Variants in SUMF1 observed in about 807,000 individuals in gnomAD.
SUMF1 encodes the protein sulfatase modifying factor 1, also known as formylglycine-generating enzyme.
In SUMF1, 48 loss-of-function variants were observed where a neutral mutation model predicts 47.6. That is an observed-to-expected ratio of 1.01 (90% CI 0.80 to 1.28). SUMF1 has a LOEUF of 1.28. SUMF1 is among the 50% of genes most tolerant of loss of function. The pLI, the probability that SUMF1 is intolerant of heterozygous loss-of-function variation, is 0.00. For missense variants in SUMF1, 571 were observed against 485.4 expected (o/e 1.18, Z -1.66); for synonymous variants, 230 against 192.1 (o/e 1.20, Z -1.63).
At chr3:4,291,473 T>C (rs1409074521) in intron 8 of SUMF1, among the ~76,000 whole-genome samples, 1 of 152,164 alleles carries the variant, frequency 6.6e-6, no homozygotes, top group Non-Finnish European at 1.5e-5. Context: ...CTTTATTTCA[T>C]AATGCAAAAT....
chr3:4,095,732 T>A (rs924448748), intron 8 of SUMF1, among the ~76,000 whole-genome samples: 2 of 151,732 alleles, frequency 1.3e-5, no homozygotes, highest in Non-Finnish European at 2.9e-5. Flanking sequence ...GAAAGAAAAA[T>A]GGTGTTAACA....
At chr3:4,327,084 G>C (rs573099066) in intron 8 of SUMF1, among the ~76,000 whole-genome samples, 2 of 151,960 alleles carry the variant, frequency 1.3e-5, no homozygotes. Context: ...GGCTCACAAG[G>C]GTATACTTTA....
Position 4,390,423 on chromosome 3 carries a change from G to T in SUMF1, c.955-14034C>A, listed in dbSNP as rs145344316. Among the ~76,000 whole-genome samples the T allele has an allele frequency of 7.4e-3, 1,133 of 152,320 alleles. 7 individuals carry two copies. The highest frequency in any genetic ancestry group is 0.041 in the Middle Eastern group (12 of 294). On this transcript the variant is annotated intron_variant, in intron 7 of 8. Transcript: ENST00000272902. ...TTTTCTTTGGTGTTTAGAAAGAGTA[G>T]AGTGGTTACTGTCTAAAAGCTTTCT...
At chr3:4,446,908 T>A (rs1411955700) in intron 3 of SUMF1, among the ~76,000 whole-genome samples, 1 of 152,200 alleles carries the variant, frequency 6.6e-6, no homozygotes, top group Non-Finnish European at 1.5e-5. Context: ...CAAATTTCCT[T>A]TAAATTAGCA....
At chr3:4,216,339 T>C (rs1033509100) in intron 8 of SUMF1, among the ~76,000 whole-genome samples, 6 of 152,182 alleles carry the variant, frequency 3.9e-5, no homozygotes, top group Non-Finnish European at 7.3e-5. Context: ...GCTAGCCATA[T>C]GCAATAAACT....
At chr3:4,072,557 A>T (rs1044616195) in intron 8 of SUMF1, among the ~76,000 whole-genome samples, 1 of 152,138 alleles carries the variant, frequency 6.6e-6, no homozygotes, top group African/African-American at 2.4e-5. Context: ...GCATGTTCTA[A>T]ACCATCTCAA....
Position 4,404,114 on chromosome 3 carries a change from C to T in SUMF1, c.954+6751G>A, listed in dbSNP as rs563143345. 3.1e-4 allele frequency among the ~76,000 whole-genome samples: 47 copies of T among 152,318 alleles called. 1 individual carries two copies. The South Asian group carries it at 9.7e-3, about 32-fold the overall frequency. Reference sequence around the variant, plus strand: ...GCAGGATCTAAATATCTGAACCATACATTTGAGTTTATTTCTATTTCTCAA... The same window carrying T: ...GCAGGATCTAAATATCTGAACCATATATTTGAGTTTATTTCTATTTCTCAA... On this transcript the variant is annotated intron_variant, in intron 7 of 8. Coordinates refer to ENST00000272902, the MANE Select transcript of SUMF1 (RefSeq NM_182760.4).
At chr3:4,326,457 T>G (rs1698946663) in intron 8 of SUMF1, among the ~76,000 whole-genome samples, 2 of 151,372 alleles carry the variant, frequency 1.3e-5, no homozygotes, top group African/African-American at 2.4e-5. Flanking sequence ...ATTCTCTACT[T>G]ACCACAGGTC....
chr3:4,251,674 T>G (rs1696804781), intron 8 of SUMF1, among the ~76,000 whole-genome samples: 1 of 152,194 alleles, frequency 6.6e-6, no homozygotes, highest in South Asian at 2.1e-4. Flanking sequence ...GGTTTGAAGC[T>G]AGGCTTCTCT....
intron 8 of SUMF1, among the ~76,000 whole-genome samples, chr3:4,286,241 C>A (rs1046648361): frequency 5.9e-5 from 9 of 151,812 alleles, no homozygotes; most frequent in Admixed American, 4.6e-4. Context: ...ATATTAAAAA[C>A]AAATTATCAG....
At chr3:4,239,667 T>G (rs1696493491) in intron 8 of SUMF1, among the ~76,000 whole-genome samples, 1 of 152,212 alleles carries the variant, frequency 6.6e-6, no homozygotes, top group African/African-American at 2.4e-5. Flanking sequence ...AAGGAGATTT[T>G]GGGCTGAGAT....
At position 4,163,299 on chromosome 3, in the gene SUMF1, C is replaced by T. The variant is rs189200073; in HGVS notation, c.1015-94554G>A. Among the ~76,000 whole-genome samples the T allele has an allele frequency of 2.0e-3, 282 of 143,706 alleles. 1 individual carries two copies. The highest frequency in any genetic ancestry group is 3.3e-3 in the Non-Finnish European group (221 of 66,002). 94.3% of individuals were successfully genotyped at this position (143,706 alleles called of 152,430 possible). A position where few individuals can be genotyped will look rare whatever the true frequency, so the allele number is the denominator to read the frequency against. ...TATTGTACCAAAGCAGACTTAATCT[C>T]CTTGCCCCTTTTTAACCTTCCTTTT... On this transcript the variant is annotated intron_variant and NMD_transcript_variant, in intron 8 of 12. Transcript: ENST00000448413.
At chr3:4,332,195 AAC>A (rs1699064831) in intron 8 of SUMF1, among the ~76,000 whole-genome samples, 1 of 152,202 alleles carries the variant, frequency 6.6e-6, no homozygotes, top group Non-Finnish European at 1.5e-5. Flanking sequence ...AACACGTATA[AAC>A]ACACAGACCC....
intron 8 of SUMF1, among the ~76,000 whole-genome samples, chr3:4,204,218 A>G (rs1490302383): frequency 1.3e-5 from 2 of 151,980 alleles, no homozygotes; most frequent in East Asian, 3.9e-4. Context: ...GAAAGTATCT[A>G]TTTCTCCTTC....
chr3:4,096,618 T>G (rs1161029115), intron 8 of SUMF1, among the ~76,000 whole-genome samples: 1 of 152,102 alleles, frequency 6.6e-6, no homozygotes, highest in Non-Finnish European at 1.5e-5. Context: ...CAAAGGAATC[T>G]AAATCTCTTT....
intron 8 of SUMF1, chr3:4,303,379 G>T: frequency 6.4e-7 from 1 of 1,550,686 alleles, no homozygotes; most frequent in Non-Finnish European, 8.7e-7. Flanking sequence ...AAATGTTCGC[G>T]GAAGCGGCAA....
chr3:4,439,276 C>A (rs796790510), intron 3 of SUMF1, among the ~76,000 whole-genome samples: 17 of 152,230 alleles, frequency 1.1e-4, no homozygotes, highest in African/African-American at 3.6e-4. Context: ...GTAATGCCAG[C>A]ACTTTAGGAG....
At chr3:4,456,515 G>A (rs543122062) in intron 1 of SUMF1, among the ~76,000 whole-genome samples, 46 of 144,988 alleles carry the variant, frequency 3.2e-4, no homozygotes, top group South Asian at 1.5e-3. Flanking sequence ...GCAGTAGCAC[G>A]ATCTCGGCTC....
chr3:4,290,057 T>C (rs1365738567), intron 8 of SUMF1, among the ~76,000 whole-genome samples: 1 of 152,216 alleles, frequency 6.6e-6, no homozygotes, highest in African/African-American at 2.4e-5. Flanking sequence ...ACTGTAGCCA[T>C]TCAATCTGGT....
Sources: gnomAD v4.1 joint callset for allele counts (sites outside exome capture counted in the v4.1 genomes callset) on GRCh38, gnomAD v4.1.1 for gene constraint, MANE v1.5 for transcripts, NCBI Gene and HGNC (gene_info 2026-07-23, HGNC 2026-07-21) for gene names.